The following ZSCAN26 variants were observed in gnomAD, a reference collection of about 807,000 sequenced individuals.
ZSCAN26 encodes the protein zinc finger and SCAN domain-containing protein 26.
ZSCAN26 carries 26 observed loss-of-function variants against 23.0 expected under a neutral mutation model. That is an observed-to-expected ratio of 1.13 (90% CI 0.83 to 1.57). The LOEUF (loss-of-function observed/expected upper bound fraction) is 1.57, where lower values mean the gene tolerates loss of function less well. Ranked by LOEUF, ZSCAN26 falls within the 40% of genes most tolerant of loss-of-function variation. ZSCAN26 has a pLI of 0.00. For synonymous variants in ZSCAN26, 180 were observed against 202.5 expected, an observed-to-expected ratio of 0.89 and a Z score of 0.94; for missense variants, 528 against 568.5, an observed-to-expected ratio of 0.93 and a Z score of 0.72.
intron 3 of ZSCAN26, 91 bp from the exon 4 acceptor site, chr6:28,276,104 C>T: frequency 1.7e-6 from 2 of 1,197,304 alleles, no homozygotes; most frequent in Non-Finnish European, 2.3e-6. Flanking sequence ...GCACACATGG[C>T]TTCATTATAT....
At chr6:28,267,908 T>G (rs1314956177) in intron 1 of ZSCAN26, among the ~76,000 whole-genome samples, 1 of 152,148 alleles carries the variant, frequency 6.6e-6, no homozygotes, top group Non-Finnish European at 1.5e-5. Context: ...TCCAAGTAAT[T>G]CAGGTGGGAG....
In ZSCAN26 at chr6:28,272,229, C is replaced by T. The variant is rs1296735608; in HGVS notation, c.310C>T (p.Pro104Ser). ...LVLEQFLIIL[P>S]KELQARVQEH... The stretch of plus-strand genomic sequence containing the variant: ...GCTGGAGCAGTTTCTGATCATCCTG[C>T]CTAAGGAGCTCCAGGCCCGGGTGCA... The change falls in exon 2 of 4, where the codon CCT becomes TCT. Residue 104 changes from proline (P) to serine (S), a missense_variant. Pro to Ser is a moderately conservative substitution (Grantham distance 74). Coordinates refer to ENST00000421553, the MANE Select transcript of ZSCAN26 (RefSeq NM_001023560.4). 6.2e-7 allele frequency: 1 copy of T among 1,613,916 alleles called. No homozygotes were observed. Among genetic ancestry groups the T allele is most frequent in the East Asian group, 2.2e-5 (1 of 44,876 alleles).
intron 1 of ZSCAN26, among the ~76,000 whole-genome samples, chr6:28,268,494 A>G (rs954170963): frequency 6.6e-6 from 1 of 152,236 alleles, no homozygotes; most frequent in African/African-American, 2.4e-5. Context: ...ATAATATTTC[A>G]TATCCTCCTT....
chr6:28,272,296 T>A lies in ZSCAN26; in HGVS notation c.377T>A (p.Leu126Gln). The A allele has an allele frequency of 1.3e-6, 2 of 1,579,894 alleles. No individual in the cohort carries two copies. Among genetic ancestry groups the A allele is most frequent in the Non-Finnish European group, 1.7e-6 (2 of 1,162,462 alleles). ...PESREDVVVV[L>Q]EDLQLDLGET... ...AGCAGGGAGGACGTGGTTGTTGTTC[T>A]GGAGGATTTGCAGCTGGATCTTGGA... is the stretch of plus-strand genomic sequence containing the variant. The change falls in exon 2 of 4, where the codon CTG becomes CAG. Residue 126 changes from leucine (L) to glutamine (Q), a missense_variant. Leu to Gln is a moderately radical substitution (Grantham distance 113). Coordinates refer to ENST00000421553, the MANE Select transcript of ZSCAN26 (RefSeq NM_001023560.4).
intron 1 of ZSCAN26, among the ~76,000 whole-genome samples, chr6:28,270,903 C>G (rs1227871778): frequency 1.3e-5 from 2 of 152,228 alleles, no homozygotes; most frequent in African/African-American, 4.8e-5. Context: ...ACACTGTGCT[C>G]ATATCATTTC....
rs1761991565 is a variant in ZSCAN26 at position 28,277,268 on chromosome 6, A to C, written c.*172A>C. The C allele has an allele frequency of 1.6e-6, 1 of 638,008 alleles. No homozygotes were observed. Among genetic ancestry groups the C allele is most frequent in the African/African-American group, 1.8e-5 (1 of 54,794 alleles). 39.5% of individuals were successfully genotyped at this position (638,008 alleles called of 1,614,324 possible). A position where few individuals can be genotyped will look rare whatever the true frequency, so the allele number is the denominator to read the frequency against. On this transcript the variant is annotated 3_prime_UTR_variant, in exon 4 of 4. Coordinates refer to ENST00000421553, the MANE Select transcript of ZSCAN26 (RefSeq NM_001023560.4). The stretch of plus-strand genomic sequence containing the variant: ...CTTTCCTTGAAGTCAGCTTTGGACC[A>C]CAATAATTTCACTGTAGATGATATG...
intron 3 of ZSCAN26, among the ~76,000 whole-genome samples, chr6:28,275,430 C>T (rs1200499103): frequency 1.3e-5 from 2 of 152,148 alleles, no homozygotes; most frequent in African/African-American, 2.4e-5. Flanking sequence ...ATTTAGTAAA[C>T]ATTTGTTTAA....
intron 1 of ZSCAN26, among the ~76,000 whole-genome samples, chr6:28,270,762 A>G (rs935209538): frequency 2.0e-5 from 3 of 152,148 alleles, no homozygotes; most frequent in Non-Finnish European, 2.9e-5. Flanking sequence ...CTCATTTCCT[A>G]TGGCAGGCTA....
At chr6:28,273,687 A>AT (rs201094186) in intron 3 of ZSCAN26, among the ~76,000 whole-genome samples, 8,767 of 137,812 alleles carry the variant, frequency 0.064, 360 homozygotes, top group African/African-American at 0.12. Flanking sequence ...CGTCACCTGG[A>AT]TTTTTTTTTT....
intron 3 of ZSCAN26, among the ~76,000 whole-genome samples, chr6:28,275,152 C>T (rs1015113480): frequency 6.6e-6 from 1 of 152,090 alleles, no homozygotes; most frequent in African/African-American, 2.4e-5. Flanking sequence ...ACTGATTAAC[C>T]CTCTTTTGTT....
At chr6:28,269,212 A>T (rs1487011980) in intron 1 of ZSCAN26, among the ~76,000 whole-genome samples, 1 of 152,102 alleles carries the variant, frequency 6.6e-6, no homozygotes, top group Non-Finnish European at 1.5e-5. Flanking sequence ...CAGTATATAT[A>T]TATGTATGTG....
Position 28,276,710 on chromosome 6 carries a change from T to C in ZSCAN26, c.1054T>C (p.Ser352Pro). 2 of 1,613,238 alleles carry C rather than the reference T, an allele frequency of 1.2e-6. No homozygotes were observed. The highest frequency in any genetic ancestry group is 1.7e-6 in the Non-Finnish European group (2 of 1,179,586). Reference sequence around the variant, plus strand: ...TTGTGGAAAAAATTTTAGGCGCAGCTCTCACCTTAATCGACATCAGAGAAT... The same window carrying C: ...TTGTGGAAAAAATTTTAGGCGCAGCCCTCACCTTAATCGACATCAGAGAAT... ...IHCGKNFRRS[S>P]HLNRHQRIHS... Residue 352 changes from serine (S) to proline (P), a missense_variant, in exon 4 of 4, where the codon TCT (serine) becomes CCT (proline). Ser to Pro is a moderately conservative substitution (Grantham distance 74). Transcript: ENST00000421553.
intron 3 of ZSCAN26, among the ~76,000 whole-genome samples, chr6:28,274,707 A>G (rs1761865647): frequency 6.6e-6 from 1 of 152,140 alleles, no homozygotes; most frequent in African/African-American, 2.4e-5. Flanking sequence ...GCACCACTGT[A>G]CTCCAGCGTT....
rs577137594 is a variant in ZSCAN26, at chr6:28,276,285, T to C, written c.629T>C (p.Met210Thr). The C allele has an allele frequency of 6.2e-7, 1 of 1,613,928 alleles. No homozygotes were observed. Among genetic ancestry groups the C allele is most frequent in the South Asian group, 1.1e-5 (1 of 91,078 alleles). The change falls in exon 4 of 4, where the codon ATG (methionine) becomes ACG (threonine). Residue 210 changes from methionine to threonine, a missense_variant. Coordinates refer to ENST00000421553, the MANE Select transcript of ZSCAN26 (RefSeq NM_001023560.4). Reference sequence around the variant, plus strand: ...TCATCTGGGAAAATATCTGAACCCATGGAGGCTCATAATGAGGGCTCTAAC... The same window carrying C: ...TCATCTGGGAAAATATCTGAACCCACGGAGGCTCATAATGAGGGCTCTAAC... ...VESSGKISEP[M>T]EAHNEGSNLE...
rs1173229442 is a variant in ZSCAN26, at chr6:28,276,895, C to T, written c.1239C>T (p.His413=). 1.9e-6 allele frequency: 3 copies of T among 1,613,848 alleles called. No homozygotes were observed. In the African/African-American group the frequency reaches 4.0e-5, roughly 22 times the overall value. ...GTTTGACCTCAGACCTTATTCGACA[C>T]CACAGAATTCATACTGGAGAAAAAC... is the stretch of plus-strand genomic sequence containing the variant. ...AFSLTSDLIR[H]HRIHTGEKPF... Residue 413 remains histidine, a synonymous_variant, in exon 4 of 4, where the codon CAC becomes CAT. Coordinates refer to ENST00000421553, the MANE Select transcript of ZSCAN26 (RefSeq NM_001023560.4).
chr6:28,273,671 T>A (rs893864870), intron 3 of ZSCAN26, among the ~76,000 whole-genome samples: 1 of 151,956 alleles, frequency 6.6e-6, no homozygotes, highest in Admixed American at 6.6e-5. Context: ...ATCTTTCATT[T>A]CTAAACGTCA....
In ZSCAN26 at chr6:28,276,554, A is replaced by G; in HGVS notation, c.898A>G (p.Arg300Gly). The change falls in exon 4 of 4, where the codon AGA (arginine) becomes GGA (glycine). Residue 300 changes from arginine (R) to glycine (G), a missense_variant. Arg to Gly is a moderately radical substitution (Grantham distance 125). Transcript: ENST00000421553. The stretch of plus-strand genomic sequence containing the variant: ...CTTTCAGAGGAGTTCACACCTCGTC[A>G]GACATCAGAAAATCCATCTTGGTGA... ...KAFQRSSHLV[R>G]HQKIHLGEKP... The G allele has an allele frequency of 6.2e-7, 1 of 1,613,588 alleles. No individual in the cohort carries two copies. Among genetic ancestry groups the G allele is most frequent in the Non-Finnish European group, 8.5e-7 (1 of 1,179,696 alleles).
At chr6:28,269,064 G>A (rs1761569401) in intron 1 of ZSCAN26, among the ~76,000 whole-genome samples, 1 of 151,598 alleles carries the variant, frequency 6.6e-6, no homozygotes, top group African/African-American at 2.4e-5. Flanking sequence ...AGTAAGCCAA[G>A]ATTGCGCTGC....
intron 3 of ZSCAN26, among the ~76,000 whole-genome samples, chr6:28,273,564 A>G (rs1761806795): frequency 1.3e-5 from 2 of 152,080 alleles, no homozygotes; most frequent in Admixed American, 6.5e-5. Context: ...ACAAAAAAAA[A>G]AACAAGTACT....
Sources: gnomAD v4.1 joint callset for allele counts (sites outside exome capture counted in the v4.1 genomes callset) on GRCh38, gnomAD v4.1.1 for gene constraint, MANE v1.5 for transcripts, NCBI Gene and HGNC (gene_info 2026-07-23, HGNC 2026-07-21) for gene names.